The following SHISA9 variants were observed in gnomAD, a reference collection of about 807,000 sequenced individuals.
SHISA9 encodes the protein protein shisa-9.
SHISA9 carries 13 observed loss-of-function variants against 38.0 expected under a neutral mutation model. That is an observed-to-expected ratio of 0.34 (90% CI 0.22 to 0.54). The LOEUF is 0.54. SHISA9 is among the 20% of genes least tolerant of loss of function. The pLI, the probability that SHISA9 is intolerant of heterozygous loss-of-function variation, is 0.91. For missense variants in SHISA9, 538 were observed against 575.8 expected (o/e 0.93, Z 0.67); for synonymous variants, 275 against 242.0 (o/e 1.14, Z -1.27).
intron 2 of SHISA9, among the ~76,000 whole-genome samples, chr16:13,106,945 A>G (rs1596651824): frequency 6.8e-6 from 1 of 147,866 alleles, no homozygotes. Context: ...AGTCACATCA[A>G]TAAACTTGCT....
the SHISA9 span, among the ~76,000 whole-genome samples, chr16:13,348,888 G>C: frequency 2.0e-5 from 3 of 152,168 alleles, no homozygotes; most frequent in Admixed American, 2.0e-4. Flanking sequence ...TCACCAGCTT[G>C]TTTTCTCTTT....
At chr16:13,107,691 T>C (rs569566588) in intron 2 of SHISA9, among the ~76,000 whole-genome samples, 1 of 151,968 alleles carries the variant, frequency 6.6e-6, no homozygotes, top group Admixed American at 6.6e-5. Flanking sequence ...ATTGATCAGG[T>C]AGGTTGGGGC....
the SHISA9 span, among the ~76,000 whole-genome samples, chr16:13,503,036 AAC>A: frequency 1.8e-4 from 28 of 152,342 alleles, no homozygotes; most frequent in African/African-American, 6.5e-4. Context: ...TGGCTGACTT[AAC>A]AGGGACGACA....
chr16:13,416,159 A>G, the SHISA9 span, among the ~76,000 whole-genome samples: 1 of 152,240 alleles, frequency 6.6e-6, no homozygotes, highest in African/African-American at 2.4e-5. Context: ...AAAAAATAAA[A>G]TTCACACAAA....
the SHISA9 span, among the ~76,000 whole-genome samples, chr16:13,539,339 A>G: frequency 2.1e-3 from 82 of 38,382 alleles, 5 homozygotes; most frequent in African/African-American, 5.9e-3. Flanking sequence ...CTTTATATAT[A>G]TATAAAGATA....
intron 2 of SHISA9, among the ~76,000 whole-genome samples, chr16:13,071,891 C>T (rs2073523268): frequency 6.6e-6 from 1 of 151,958 alleles, no homozygotes; most frequent in Non-Finnish European, 1.5e-5. Flanking sequence ...AGTAACCTGC[C>T]TGCTTTAGGC....
At chr16:13,171,626 G>C (rs150079) in intron 2 of SHISA9, among the ~76,000 whole-genome samples, 76,365 of 151,564 alleles carry the variant, frequency 0.5, 19,400 homozygotes, top group Non-Finnish European at 0.52. Context: ...AAAGAACAAA[G>C]AGCATTTGGG....
the SHISA9 span, among the ~76,000 whole-genome samples, chr16:13,284,754 T>G: frequency 1.3e-5 from 2 of 152,218 alleles, no homozygotes; most frequent in Middle Eastern, 6.8e-3. Flanking sequence ...CGTGCCACCA[T>G]GCCGGGCTAA....
At chr16:13,285,432 T>A in the SHISA9 span, among the ~76,000 whole-genome samples, 1 of 151,534 alleles carries the variant, frequency 6.6e-6, no homozygotes, top group Non-Finnish European at 1.5e-5. Context: ...GAATGCAGAT[T>A]TAGATTATAA....
At chr16:13,338,692 A>G in the SHISA9 span, among the ~76,000 whole-genome samples, 1 of 152,268 alleles carries the variant, frequency 6.6e-6, no homozygotes, top group African/African-American at 2.4e-5. Context: ...GATTAGGCCC[A>G]TGTTTTCTGG....
chr16:13,467,332 G>T, the SHISA9 span, among the ~76,000 whole-genome samples: 7 of 152,188 alleles, frequency 4.6e-5, no homozygotes, highest in Admixed American at 1.3e-4. Flanking sequence ...CTCCCCCAGA[G>T]CAGAACACTT....
the SHISA9 span, among the ~76,000 whole-genome samples, chr16:13,497,609 C>T: frequency 6.7e-6 from 1 of 148,884 alleles, no homozygotes; most frequent in Non-Finnish European, 1.5e-5. Flanking sequence ...TGCTTGAACC[C>T]GGCAGGTGGA....
At chr16:12,957,965 C>T (rs560014728) in intron 2 of SHISA9, among the ~76,000 whole-genome samples, 2 of 152,294 alleles carry the variant, frequency 1.3e-5, no homozygotes, top group African/African-American at 4.8e-5. Flanking sequence ...TAATGACCTC[C>T]CCAAGATTCC....
chr16:13,198,494 C>G (rs545688073), intron 2 of SHISA9, among the ~76,000 whole-genome samples: 4 of 152,104 alleles, frequency 2.6e-5, no homozygotes, highest in Non-Finnish European at 5.9e-5. Context: ...CAGATTATAA[C>G]CTAGATCTCA....
At chr16:13,442,066 C>T in the SHISA9 span, among the ~76,000 whole-genome samples, 2 of 152,220 alleles carry the variant, frequency 1.3e-5, no homozygotes, top group African/African-American at 4.8e-5. Context: ...TGGCAAGAAG[C>T]AGCCAGTAGT....
the SHISA9 span, among the ~76,000 whole-genome samples, chr16:13,292,465 C>T: frequency 2.0e-4 from 31 of 152,116 alleles, no homozygotes; most frequent in African/African-American, 7.2e-4. Flanking sequence ...GCTGTGTGCT[C>T]ATTCCAAATC....
the SHISA9 span, among the ~76,000 whole-genome samples, chr16:13,542,897 G>T: frequency 3.9e-5 from 6 of 152,146 alleles, no homozygotes; most frequent in African/African-American, 1.4e-4. Context: ...TTACTGACAG[G>T]CAGGTTCCAG....
chr16:12,908,313 G>C (rs2071131085), intron 1 of SHISA9, among the ~76,000 whole-genome samples: 1 of 152,092 alleles, frequency 6.6e-6, no homozygotes, highest in Non-Finnish European at 1.5e-5. Context: ...GAGTGGGAGG[G>C]GCTGGCAGGT....
At chr16:13,473,434 C>T in the SHISA9 span, among the ~76,000 whole-genome samples, 1 of 140,246 alleles carries the variant, frequency 7.1e-6, no homozygotes, top group African/African-American at 2.7e-5. Flanking sequence ...TGACTGGAAG[C>T]AGAACTGTGA....
Sources: gnomAD v4.1 joint callset for allele counts (sites outside exome capture counted in the v4.1 genomes callset) on GRCh38, gnomAD v4.1.1 for gene constraint, MANE v1.5 for transcripts, NCBI Gene and HGNC (gene_info 2026-07-23, HGNC 2026-07-21) for gene names.